Variants in SCAPER observed in about 807,000 individuals in gnomAD.
SCAPER encodes the protein S-phase cyclin A associated protein in the ER.
SCAPER carries 98 observed loss-of-function variants against 182.2 expected under a neutral mutation model. The ratio of observed to expected loss-of-function variants is 0.54; its 90% CI spans 0.46 to 0.64. SCAPER has a LOEUF of 0.64. SCAPER is among the 30% of genes least tolerant of loss of function. The pLI is 0.00. For missense variants in SCAPER, 1,432 were observed against 1,690.0 expected (o/e 0.85, Z 2.68); for synonymous variants, 605 against 564.6 (o/e 1.07, Z -1.01).
At chr15:76,390,693 T>A (rs567518068) in intron 27 of SCAPER, among the ~76,000 whole-genome samples, 1 of 152,186 alleles carries the variant, frequency 6.6e-6, no homozygotes, top group Non-Finnish European at 1.5e-5. Flanking sequence ...TTTCTCATAC[T>A]GTAAACAGCA....
intron 5 of SCAPER, among the ~76,000 whole-genome samples, chr15:76,840,027 G>T (rs988811231): frequency 6.6e-6 from 1 of 152,144 alleles, no homozygotes; most frequent in African/African-American, 2.4e-5. Context: ...AGTTTACAAA[G>T]CATAACAGAA....
At chr15:76,729,231 C>A (rs180824594) in intron 16 of SCAPER, among the ~76,000 whole-genome samples, 116 of 150,642 alleles carry the variant, frequency 7.7e-4, no homozygotes, top group South Asian at 1.9e-3. Context: ...TGAGTTAATA[C>A]TTAATAAACT....
At chr15:76,756,243 CAAAAAA>C (rs34158299) in intron 14 of SCAPER, among the ~76,000 whole-genome samples, 4 of 66,018 alleles carry the variant, frequency 6.1e-5, no homozygotes, top group South Asian at 7.5e-4. Context: ...GACTCCGTCT[CAAAAAA>C]AAAAAAAAAA....
intron 23 of SCAPER, among the ~76,000 whole-genome samples, chr15:76,561,778 C>T (rs943779014): frequency 1.3e-5 from 2 of 150,792 alleles, no homozygotes; most frequent in Admixed American, 6.6e-5. Context: ...GGCTCAATCT[C>T]GGCTCACTGA....
intron 25 of SCAPER, among the ~76,000 whole-genome samples, chr15:76,448,569 G>A (rs1248270937): frequency 6.6e-6 from 1 of 152,116 alleles, no homozygotes; most frequent in Admixed American, 6.5e-5. Flanking sequence ...CATGCTGTTT[G>A]TTGAAACAAA....
intron 26 of SCAPER, among the ~76,000 whole-genome samples, chr15:76,409,256 G>A (rs1285296741): frequency 6.6e-6 from 1 of 152,160 alleles, no homozygotes; most frequent in Non-Finnish European, 1.5e-5. Flanking sequence ...CTTTTGCATT[G>A]TAACTGTTAG....
At chr15:76,668,935 A>G (rs1026417620) in intron 20 of SCAPER, among the ~76,000 whole-genome samples, 2 of 152,214 alleles carry the variant, frequency 1.3e-5, no homozygotes, top group African/African-American at 4.8e-5. Context: ...CCTTACAACG[A>G]TACTTAGAAA....
intron 17 of SCAPER, among the ~76,000 whole-genome samples, chr15:76,711,782 T>A (rs1224500589): frequency 6.6e-6 from 1 of 151,856 alleles, no homozygotes; most frequent in Non-Finnish European, 1.5e-5. Context: ...TTTGATGGGG[T>A]TGTTTGTTTT....
At chr15:76,669,014 T>G (rs2056822318) in intron 20 of SCAPER, among the ~76,000 whole-genome samples, 1 of 152,144 alleles carries the variant, frequency 6.6e-6, no homozygotes, top group Non-Finnish European at 1.5e-5. Flanking sequence ...CAAAGCTAAC[T>G]TTTTCAAAGT....
At chr15:76,461,530 T>C (rs980377760) in intron 25 of SCAPER, among the ~76,000 whole-genome samples, 3 of 152,126 alleles carry the variant, frequency 2.0e-5, no homozygotes, top group African/African-American at 7.2e-5. Context: ...TTAATTCATA[T>C]AGTAAGTTTT....
intron 21 of SCAPER, among the ~76,000 whole-genome samples, chr15:76,633,423 T>C (rs898026489): frequency 6.6e-6 from 1 of 152,356 alleles, no homozygotes; most frequent in East Asian, 1.9e-4. Context: ...AGGGTCTTGC[T>C]TAAATAAGCA....
chr15:76,863,567 C>T (rs2072041851), intron 2 of SCAPER, among the ~76,000 whole-genome samples: 1 of 152,100 alleles, frequency 6.6e-6, no homozygotes, highest in Non-Finnish European at 1.5e-5. Context: ...TGTGCTTGTC[C>T]TCAAAGAGCT....
At chr15:76,644,864 C>T (rs989613229) in intron 21 of SCAPER, among the ~76,000 whole-genome samples, 5 of 151,968 alleles carry the variant, frequency 3.3e-5, no homozygotes, top group African/African-American at 1.2e-4. Flanking sequence ...CAGACACATA[C>T]TCATGCTTCT....
intron 20 of SCAPER, among the ~76,000 whole-genome samples, chr15:76,698,197 T>C (rs923513871): frequency 6.6e-5 from 10 of 152,066 alleles, no homozygotes; most frequent in Non-Finnish European, 1.2e-4. Flanking sequence ...ATTAGTTCCA[T>C]GTTCCATTTC....
chr15:76,680,450 A>AATAATG (rs1555530751), intron 20 of SCAPER, among the ~76,000 whole-genome samples: 1 of 142,228 alleles, frequency 7.0e-6, no homozygotes, highest in African/African-American at 2.6e-5. Context: ...TAATAATAAT[A>AATAATG]ATACAGGGGC....
chr15:76,637,724 A>ATT (rs2053724724), intron 21 of SCAPER, among the ~76,000 whole-genome samples: 3 of 28,256 alleles, frequency 1.1e-4, no homozygotes, highest in Non-Finnish European at 1.6e-4. Context: ...ATATGTGATT[A>ATT]TATATATATA....
chr15:76,506,653 T>A (rs1360493910), intron 23 of SCAPER, among the ~76,000 whole-genome samples: 2 of 152,070 alleles, frequency 1.3e-5, no homozygotes, highest in African/African-American at 4.8e-5. Flanking sequence ...TATATACATT[T>A]TTAGCAACAC....
At chr15:76,901,624 C>T (rs775957534) in intron 1 of SCAPER, among the ~76,000 whole-genome samples, 11 of 152,110 alleles carry the variant, frequency 7.2e-5, no homozygotes, top group African/African-American at 2.4e-4. Flanking sequence ...ATAAAATGAA[C>T]GTATTACTTT....
chr15:76,629,625 G>A (rs1376918723), intron 21 of SCAPER, among the ~76,000 whole-genome samples: 2 of 152,152 alleles, frequency 1.3e-5, no homozygotes, highest in African/African-American at 4.8e-5. Context: ...TGATTGTGGT[G>A]GATAAGCTTT....
Sources: allele counts gnomAD v4.1 joint callset (sites outside exome capture counted in the v4.1 genomes callset), GRCh38; gene constraint gnomAD v4.1.1; transcripts MANE v1.5; gene names NCBI Gene and HGNC (gene_info 2026-07-23, HGNC 2026-07-21).